The following PDGFRL variants were observed in gnomAD, a reference collection of about 807,000 sequenced individuals.
PDGFRL encodes platelet-derived growth factor receptor-like protein.
PDGFRL carries 46 observed loss-of-function variants against 37.2 expected under a neutral mutation model. That is an observed-to-expected ratio of 1.24 (90% CI 0.98 to 1.58). The LOEUF is 1.58. Among genes scored for constraint, PDGFRL ranks in the 40% most tolerant of loss-of-function variants. The probability of loss-of-function intolerance (pLI) is 0.00; values close to 1 mark genes in which losing one functional copy is unlikely to be tolerated. For missense variants in PDGFRL, 692 were observed against 467.6 expected, an observed-to-expected ratio of 1.48 and a Z score of -4.43; for synonymous variants, 251 against 184.3, an observed-to-expected ratio of 1.36 and a Z score of -2.93.
chr8:17,639,109 T>C (rs769298456), intron 5 of PDGFRL, among the ~76,000 whole-genome samples: 10 of 152,032 alleles, frequency 6.6e-5, no homozygotes, highest in Non-Finnish European at 1.3e-4. Flanking sequence ...TCCCTTTGCA[T>C]GGAATATCTT....
rs956157368 is a variant in PDGFRL at position 17,621,418 on chromosome 8, T to C, written c.505+216T>C. Among the ~76,000 whole-genome samples, 10 of 151,914 alleles carry C rather than the reference T, an allele frequency of 6.6e-5. No individual in the cohort carries two copies. In the South Asian group the frequency reaches 1.3e-3, roughly 19 times the overall value. On this transcript the variant is annotated intron_variant, in intron 3 of 5. Transcript: ENST00000251630. ...AATATTATTCCTGTTTTTTTTTTTT[T>C]CAGATGGGAAAGTTGAGGTTTAGAG...
intron 1 of PDGFRL, among the ~76,000 whole-genome samples, chr8:17,582,696 A>G (rs547623494): frequency 1.3e-5 from 2 of 152,294 alleles, no homozygotes; most frequent in African/African-American, 4.8e-5. Context: ...GGAAAATCTG[A>G]AGCCTGGCCA....
intron 2 of PDGFRL, among the ~76,000 whole-genome samples, chr8:17,614,368 G>A (rs966065312): frequency 2.6e-5 from 4 of 152,030 alleles, no homozygotes; most frequent in Admixed American, 1.3e-4. Flanking sequence ...CATATGGCAC[G>A]TTTCCTGCAT....
intron 2 of PDGFRL, among the ~76,000 whole-genome samples, chr8:17,610,406 C>G (rs1056105637): frequency 4.6e-5 from 7 of 152,136 alleles, no homozygotes; most frequent in African/African-American, 1.7e-4. Flanking sequence ...AAAGGAAATG[C>G]TTACTGGAGC....
chr8:17,632,797 C>T lies in PDGFRL; in HGVS notation c.800-1277C>T, dbSNP rs561146854. Among the ~76,000 whole-genome samples the T allele has an allele frequency of 1.4e-4, 22 of 152,272 alleles. No homozygotes were observed. In the East Asian group the frequency reaches 4.3e-3, roughly 29 times the overall value. On this transcript the variant is annotated intron_variant, in intron 4 of 5. Transcript: ENST00000251630. ...CTCCTCTCCCCAGCCCTCCTCCACTCCGCCACTGCCTCTCACCCAGGGCCA... is the reference window on the plus strand; with the variant it reads ...CTCCTCTCCCCAGCCCTCCTCCACTTCGCCACTGCCTCTCACCCAGGGCCA...
rs1804137868 is a variant in PDGFRL, at chr8:17,600,160, G to A, written c.353+10395G>A. On this transcript the variant is annotated intron_variant, in intron 2 of 5. Transcript: ENST00000251630. ...CTTCAATAACTCTACCTGGCTCCTGGCCCCATTACTCCACATGCATTTTTT... is the reference window on the plus strand; with the variant it reads ...CTTCAATAACTCTACCTGGCTCCTGACCCCATTACTCCACATGCATTTTTT... Among the ~76,000 whole-genome samples the A allele has an allele frequency of 2.6e-5, 4 of 151,980 alleles. No individual in the cohort carries two copies. The South Asian group carries it at 6.3e-4, about 24-fold the overall frequency.
At chr8:17,612,415 A>G (rs924977994) in intron 2 of PDGFRL, among the ~76,000 whole-genome samples, 1 of 151,774 alleles carries the variant, frequency 6.6e-6, no homozygotes, top group African/African-American at 2.4e-5. Context: ...TCTGTTGCCC[A>G]GGCCATAGTG....
chr8:17,590,515 T>G (rs146706528), intron 2 of PDGFRL, among the ~76,000 whole-genome samples: 2,099 of 151,992 alleles, frequency 0.014, 39 homozygotes, highest in African/African-American at 0.048. Flanking sequence ...AGTTGGAGAT[T>G]AGCCTGGCCA....
chr8:17,628,833 G>C, intron 4 of PDGFRL, 53 bp downstream of exon 4: 2 of 1,262,578 alleles, frequency 1.6e-6, no homozygotes, highest in Non-Finnish European at 2.3e-6. Context: ...GTCAGTTTCA[G>C]GTACTGCTGT....
chr8:17,636,560 GTTT>G (rs61639137), intron 5 of PDGFRL, among the ~76,000 whole-genome samples: 2 of 145,330 alleles, frequency 1.4e-5, no homozygotes, highest in African/African-American at 2.5e-5. Context: ...CTCTAGATTT[GTTT>G]TTTTTTTTTG....
In PDGFRL at chr8:17,595,261, C is replaced by T. The variant is rs556685502; in HGVS notation, c.353+5496C>T. On this transcript the variant is annotated intron_variant, in intron 2 of 5. Coordinates refer to ENST00000251630, the MANE Select transcript of PDGFRL (RefSeq NM_001372073.1). ...GGAGCCTCCTTGCCCTCCCTCCCTG[C>T]CCACCATCCCCTCAACCATTAGCCT... Among the ~76,000 whole-genome samples, 35 of 152,176 alleles carry T rather than the reference C, an allele frequency of 2.3e-4. No homozygotes were observed. In the South Asian group the frequency reaches 6.6e-3, roughly 29 times the overall value.
upstream of PDGFRL, chr8:17,576,671 A>G: frequency 1.0e-6 from 1 of 978,102 alleles, no homozygotes; most frequent in Non-Finnish European, 1.2e-6. Flanking sequence ...CCGTCCTCCC[A>G]CCCCCACCAG....
At chr8:17,602,375 C>T (rs570241457) in intron 2 of PDGFRL, among the ~76,000 whole-genome samples, 21 of 152,254 alleles carry the variant, frequency 1.4e-4, no homozygotes, top group Middle Eastern at 3.4e-3. Flanking sequence ...TGAGGCAGAG[C>T]GGCTGCCCCA....
At chr8:17,626,236 G>A (rs1046251017) in intron 3 of PDGFRL, among the ~76,000 whole-genome samples, 1 of 152,116 alleles carries the variant, frequency 6.6e-6, no homozygotes, top group African/African-American at 2.4e-5. Context: ...ATAAAATAAT[G>A]CCTTTGAGGC....
At chr8:17,595,352 C>T (rs933600705) in intron 2 of PDGFRL, among the ~76,000 whole-genome samples, 1 of 152,162 alleles carries the variant, frequency 6.6e-6, no homozygotes, top group South Asian at 2.1e-4. Context: ...AGGGTCTGGG[C>T]AGGCCCAGCT....
At position 17,590,250 on chromosome 8, in the gene PDGFRL, A is replaced by AC. The variant is rs1563507039; in HGVS notation, c.353+485_353+486insC. ...AGACTCCATCTCAAAAAAAAAAAAA[A>AC]AAAAAATTGCAAATCCTACCAACAT... is the stretch of plus-strand genomic sequence containing the variant. On this transcript the variant is annotated intron_variant, in intron 2 of 5. Coordinates refer to ENST00000251630, the MANE Select transcript of PDGFRL (RefSeq NM_001372073.1). Among the ~76,000 whole-genome samples, 817 of 148,118 alleles carry AC rather than the reference A, an allele frequency of 5.5e-3. 25 individuals carry two copies. The highest frequency in any genetic ancestry group is 0.02 in the African/African-American group (796 of 40,776).
chr8:17,626,628 A>T (rs2237836), intron 3 of PDGFRL, among the ~76,000 whole-genome samples: 2 of 152,024 alleles, frequency 1.3e-5, no homozygotes, highest in African/African-American at 4.8e-5. Flanking sequence ...ACAAGAAAGC[A>T]TGTAATACGT....
Position 17,589,689 on chromosome 8 carries a change from G to T in PDGFRL, c.277G>T (p.Glu93Ter), listed in dbSNP as rs1312055593. The change falls in exon 2 of 6, where the codon GAG becomes TAG. Residue 93 changes from glutamate (E) to a stop codon, truncating the protein, a stop_gained. Transcript: ENST00000251630. LOFTEE classifies it high-confidence loss of function. ...GAGTCTGCTGGCGGGGCAAACTGTAGAGCTTCGATGTAAAGGGAGTAGAAT... is the reference window on the plus strand; with the variant it reads ...GAGTCTGCTGGCGGGGCAAACTGTATAGCTTCGATGTAAAGGGAGTAGAAT... ...TLSLLAGQTV[E>*]LRCKGSRIGW... The T allele has an allele frequency of 4.3e-6, 7 of 1,613,524 alleles. No homozygotes were observed. The highest frequency in any genetic ancestry group is 5.9e-6 in the Non-Finnish European group (7 of 1,179,620).
chr8:17,630,743 G>A (rs1804844961), intron 4 of PDGFRL, among the ~76,000 whole-genome samples: 1 of 152,172 alleles, frequency 6.6e-6, no homozygotes, highest in Non-Finnish European at 1.5e-5. Flanking sequence ...ATGCTGACCT[G>A]GCTTGTTGTC....
Sources: gnomAD v4.1 joint callset for allele counts (sites outside exome capture counted in the v4.1 genomes callset) on GRCh38, gnomAD v4.1.1 for gene constraint, MANE v1.5 for transcripts, NCBI Gene and HGNC (gene_info 2026-07-23, HGNC 2026-07-21) for gene names.